Variants in STK10 observed in about 807,000 individuals in gnomAD.
STK10 encodes the protein serine/threonine-protein kinase 10.
In STK10, 78 loss-of-function variants were observed where a neutral mutation model predicts 113.8. That is an observed-to-expected ratio of 0.69 (90% confidence interval 0.57 to 0.83). The LOEUF (loss-of-function observed/expected upper bound fraction) is 0.83, where lower values mean the gene tolerates loss of function less well. STK10 is among the 40% of genes least tolerant of loss of function. STK10 has a pLI of 0.00. For synonymous variants in STK10, 465 were observed against 494.7 expected, an observed-to-expected ratio of 0.94 and a Z score of 0.80; for missense variants, 1,109 against 1,280.1, an observed-to-expected ratio of 0.87 and a Z score of 2.04.
intron 1 of STK10, among the ~76,000 whole-genome samples, chr5:172,168,112 G>C (rs1325012643): frequency 6.6e-6 from 1 of 152,152 alleles, no homozygotes; most frequent in African/African-American, 2.4e-5. Context: ...CAGGGCTCAG[G>C]GTTCCTATTT....
At chr5:172,046,176 A>G (rs1182248220) in intron 18 of STK10, among the ~76,000 whole-genome samples, 1 of 151,646 alleles carries the variant, frequency 6.6e-6, no homozygotes, top group East Asian at 2.0e-4. Flanking sequence ...CCTGGCCAAC[A>G]AGGCGAAACC....
intron 14 of STK10, among the ~76,000 whole-genome samples, chr5:172,060,746 C>A (rs1286887660): frequency 6.6e-6 from 1 of 152,202 alleles, no homozygotes; most frequent in Non-Finnish European, 1.5e-5. Flanking sequence ...TGGGGATAAC[C>A]TAGGCCCTGC....
intron 1 of STK10, among the ~76,000 whole-genome samples, chr5:172,176,656 T>C (rs1770764654): frequency 6.6e-6 from 1 of 152,208 alleles, no homozygotes; most frequent in East Asian, 1.9e-4. Context: ...GATCAGGCCC[T>C]GGGGGACTTA....
chr5:172,145,447 G>A (rs1466688356), intron 2 of STK10, among the ~76,000 whole-genome samples: 1 of 152,226 alleles, frequency 6.6e-6, no homozygotes, highest in South Asian at 2.1e-4. Flanking sequence ...AAGGCGGCGG[G>A]GGTGGGGCAG....
chr5:172,162,240 CT>C (rs1466904591), intron 1 of STK10, among the ~76,000 whole-genome samples: 3 of 152,010 alleles, frequency 2.0e-5, no homozygotes, highest in Admixed American at 6.6e-5. Flanking sequence ...ACTCGGGAGG[CT>C]GGGGCAGGAG....
chr5:172,121,254 C>T (rs1475316710), intron 3 of STK10, among the ~76,000 whole-genome samples: 2 of 152,006 alleles, frequency 1.3e-5, no homozygotes, highest in Admixed American at 6.6e-5. Flanking sequence ...TGATCTTGAA[C>T]TCCTGACCTC....
chr5:172,115,150 G>A (rs1769349930), intron 4 of STK10: 1 of 152,400 alleles, frequency 6.6e-6, no homozygotes, highest in Non-Finnish European at 1.5e-5. Flanking sequence ...CTACTTCCGT[G>A]TTGTCACGTG....
At position 172,106,677 on chromosome 5, in the gene STK10, C is replaced by A. The variant is rs201471238; in HGVS notation, c.731G>T (p.Arg244Leu). 6.2e-7 allele frequency: 1 copy of A among 1,613,894 alleles called. No individual in the cohort carries two copies. The highest frequency in any genetic ancestry group is 2.2e-5 in the East Asian group (1 of 44,874). ...CGACTTGGCGATCTTTAGCAGGACC[C>A]GCATGGGGTTGAGCTCGTGGTGTGG... is the stretch of plus-strand genomic sequence containing the variant. Reference protein sequence around the residue: ...EPPHHELNPMRVLLKIAKSDP... With the variant: ...EPPHHELNPMLVLLKIAKSDP... The change falls in exon 6 of 19, where the codon CGG (arginine) becomes CTG (leucine). Residue 244 changes from arginine to leucine, a missense_variant. Arg to Leu is a moderately radical substitution (Grantham distance 102). This residue lies in a region of STK10 where 885 missense variants were observed against 991.1 expected (regional missense o/e 0.89). Coordinates refer to ENST00000176763, the MANE Select transcript of STK10 (RefSeq NM_005990.4).
intron 1 of STK10, among the ~76,000 whole-genome samples, chr5:172,178,253 T>C (rs1171286326): frequency 6.6e-6 from 1 of 152,196 alleles, no homozygotes; most frequent in Non-Finnish European, 1.5e-5. Context: ...CCACACCGTG[T>C]GGCCCCATCC....
intron 12 of STK10, among the ~76,000 whole-genome samples, chr5:172,080,168 G>A (rs1175519885): frequency 1.3e-5 from 2 of 152,072 alleles, no homozygotes; most frequent in South Asian, 2.1e-4. Context: ...AATTGTTATA[G>A]GGTGCCACGA....
intron 1 of STK10, among the ~76,000 whole-genome samples, chr5:172,181,775 C>T (rs1278048806): frequency 2.0e-5 from 3 of 151,706 alleles, no homozygotes; most frequent in East Asian, 3.9e-4. Context: ...CGCGCTAATG[C>T]AATCCAGCCT....
rs565099527 is a variant in STK10, at chr5:172,061,051, A to C, written c.2212+88T>G. The C allele has an allele frequency of 2.2e-5, 33 of 1,487,098 alleles. No homozygotes were observed. In the African/African-American group the frequency reaches 4.7e-4, roughly 21 times the overall value. 92.1% of individuals were successfully genotyped at this position (1,487,098 alleles called of 1,614,324 possible). ...GTTTTGGGGATGGAGAAGGCCTGGG[A>C]GGTTCTTGTTGCCCACCCCACTTCC... On this transcript the variant is annotated intron_variant, in intron 14 of 18. Transcript: ENST00000176763.
intron 12 of STK10, among the ~76,000 whole-genome samples, chr5:172,076,414 CGTCCTGTGCGTTAGTTGTGGGGGCT>C (rs1768308345): frequency 4.4e-5 from 2 of 45,860 alleles, no homozygotes; most frequent in African/African-American, 1.5e-4. Flanking sequence ...GTTGTGGGGG[CGTCCTGTGCGTTAGTTGTGGGGGCT>C]GTCCTGTGCA....
intron 12 of STK10, among the ~76,000 whole-genome samples, chr5:172,067,566 T>A (rs1768095884): frequency 6.6e-6 from 1 of 152,018 alleles, no homozygotes; most frequent in Non-Finnish European, 1.5e-5. Flanking sequence ...GCAGCTATTA[T>A]AACTGTACTC....
At chr5:172,102,714 G>A (rs1769017348) in intron 7 of STK10, among the ~76,000 whole-genome samples, 1 of 152,156 alleles carries the variant, frequency 6.6e-6, no homozygotes. Flanking sequence ...AGAAACCGCT[G>A]ACAACCTTGA....
intron 7 of STK10, among the ~76,000 whole-genome samples, chr5:172,101,936 G>A (rs1250229810): frequency 6.6e-6 from 1 of 151,836 alleles, no homozygotes; most frequent in Non-Finnish European, 1.5e-5. Context: ...GCTGGAGTGT[G>A]GGAGCGAGAG....
intron 17 of STK10, among the ~76,000 whole-genome samples, chr5:172,053,499 A>C (rs982175483): frequency 1.3e-5 from 2 of 152,120 alleles, no homozygotes; most frequent in African/African-American, 4.8e-5. Flanking sequence ...CCTCAGGGAG[A>C]TCTGTGGCAA....
At chr5:172,097,121 C>T (rs76226986) in intron 7 of STK10, among the ~76,000 whole-genome samples, 2,864 of 152,348 alleles carry the variant, frequency 0.019, 48 homozygotes, top group East Asian at 0.05. Context: ...TCACTGCAAC[C>T]TCCACCTACC....
intron 1 of STK10, among the ~76,000 whole-genome samples, chr5:172,160,079 T>G (rs914375615): frequency 6.6e-6 from 1 of 151,298 alleles, no homozygotes; most frequent in Non-Finnish European, 1.5e-5. Flanking sequence ...GAGATTGCAG[T>G]GAGCCGAGAT....
Sources: allele counts gnomAD v4.1 joint callset (sites outside exome capture counted in the v4.1 genomes callset), GRCh38; gene constraint gnomAD v4.1.1; regional missense constraint gnomAD v4.1.1; transcripts MANE v1.5; gene names NCBI Gene and HGNC (gene_info 2026-07-23, HGNC 2026-07-21).